Variants in RAB38 observed in about 807,000 individuals in gnomAD.
RAB38 encodes ras-related protein Rab-38.
In RAB38, 15 loss-of-function variants were observed where a neutral mutation model predicts 18.4. That is an observed-to-expected ratio of 0.82 (90% confidence interval 0.55 to 1.26). The LOEUF (loss-of-function observed/expected upper bound fraction) is 1.26. RAB38 is among the 50% of genes most tolerant of loss of function. The pLI, the probability that RAB38 is intolerant of heterozygous loss-of-function variation, is 0.00. For synonymous variants in RAB38, 101 were observed against 104.4 expected (o/e 0.97, Z 0.20); for missense variants, 294 against 267.4 (o/e 1.10, Z -0.69).
the RAB38 span, among the ~76,000 whole-genome samples, chr11:87,835,502 A>G: frequency 6.6e-6 from 1 of 152,074 alleles, no homozygotes; most frequent in Non-Finnish European, 1.5e-5. Flanking sequence ...GCTTCCCCCC[A>G]CTGAAGTTCT....
At chr11:88,032,532 A>G in the RAB38 span, among the ~76,000 whole-genome samples, 2 of 152,214 alleles carry the variant, frequency 1.3e-5, no homozygotes, top group African/African-American at 2.4e-5. Flanking sequence ...ATTTACAAGA[A>G]AAAAACAAAC....
the RAB38 span, among the ~76,000 whole-genome samples, chr11:88,083,315 T>A: frequency 1.0e-3 from 159 of 152,012 alleles, 1 homozygote; most frequent in African/African-American, 3.7e-3. Flanking sequence ...CATTATATAT[T>A]TTTGAATTTC....
At chr11:88,036,388 T>C in the RAB38 span, among the ~76,000 whole-genome samples, 1 of 152,222 alleles carries the variant, frequency 6.6e-6, no homozygotes, top group African/African-American at 2.4e-5. Context: ...CATGGCTTAA[T>C]TGCATGTATT....
At chr11:88,024,871 T>C in the RAB38 span, among the ~76,000 whole-genome samples, 1 of 151,508 alleles carries the variant, frequency 6.6e-6, no homozygotes, top group African/African-American at 2.4e-5. Flanking sequence ...GGAAAGGTAG[T>C]GTGGGGTGGG....
chr11:88,026,965 G>A, the RAB38 span, among the ~76,000 whole-genome samples: 1 of 152,070 alleles, frequency 6.6e-6, no homozygotes, highest in Admixed American at 6.5e-5. Flanking sequence ...TCAGTTCAAT[G>A]TTTATATATA....
chr11:88,013,468 C>G, the RAB38 span, among the ~76,000 whole-genome samples: 1 of 151,934 alleles, frequency 6.6e-6, no homozygotes, highest in Non-Finnish European at 1.5e-5. Context: ...TTTAGAATGA[C>G]TGGAACAAAA....
chr11:87,828,947 A>G, the RAB38 span, among the ~76,000 whole-genome samples: 2 of 152,214 alleles, frequency 1.3e-5, no homozygotes, highest in Non-Finnish European at 2.9e-5. Flanking sequence ...GGCAAACTCT[A>G]TAACAATCTT....
the RAB38 span, among the ~76,000 whole-genome samples, chr11:88,094,966 C>T: frequency 6.6e-6 from 1 of 151,738 alleles, no homozygotes; most frequent in Admixed American, 6.6e-5. Flanking sequence ...CACTGCCTTC[C>T]CACCAGTTAC....
chr11:87,806,048 A>T, the RAB38 span, among the ~76,000 whole-genome samples: 6 of 152,322 alleles, frequency 3.9e-5, no homozygotes, highest in African/African-American at 1.2e-4. Context: ...AAAACTGGCT[A>T]CTGTAGCCTA....
chr11:88,020,390 A>G, the RAB38 span, among the ~76,000 whole-genome samples: 2 of 152,232 alleles, frequency 1.3e-5, no homozygotes, highest in African/African-American at 4.8e-5. Flanking sequence ...GAGTCAATTC[A>G]GCAAGATGAT....
At chr11:87,940,247 A>C in the RAB38 span, among the ~76,000 whole-genome samples, 1 of 151,976 alleles carries the variant, frequency 6.6e-6, no homozygotes, top group African/African-American at 2.4e-5. Flanking sequence ...TCTGTTCACA[A>C]ATTAGCCAGC....
At chr11:87,824,809 G>A in the RAB38 span, among the ~76,000 whole-genome samples, 2 of 152,114 alleles carry the variant, frequency 1.3e-5, no homozygotes, top group Admixed American at 6.6e-5. Context: ...GACACTAGAG[G>A]TGAGGACTGT....
chr11:87,868,082 T>C, the RAB38 span, among the ~76,000 whole-genome samples: 1 of 151,730 alleles, frequency 6.6e-6, no homozygotes, highest in Non-Finnish European at 1.5e-5. Flanking sequence ...TTATGTTCTA[T>C]AGCTTGGATA....
chr11:87,968,098 T>C, the RAB38 span, among the ~76,000 whole-genome samples: 1 of 152,190 alleles, frequency 6.6e-6, no homozygotes. Context: ...TTTCAAATGG[T>C]TTATAACTTT....
intron 1 of RAB38, among the ~76,000 whole-genome samples, chr11:88,164,519 C>T (rs370554240): frequency 2.0e-5 from 3 of 152,080 alleles, no homozygotes; most frequent in South Asian, 4.2e-4. Flanking sequence ...GTGGCATCCA[C>T]TCCGGCTCAA....
At chr11:87,930,645 C>T in the RAB38 span, among the ~76,000 whole-genome samples, 1 of 152,110 alleles carries the variant, frequency 6.6e-6, no homozygotes, top group Admixed American at 6.5e-5. Context: ...TTGACCATGC[C>T]TATGTCCTGA....
chr11:88,022,652 C>G, the RAB38 span, among the ~76,000 whole-genome samples: 2 of 122,996 alleles, frequency 1.6e-5, no homozygotes, highest in African/African-American at 6.1e-5. Flanking sequence ...GAACTGATAA[C>G]CAAATTCAGT....
the RAB38 span, among the ~76,000 whole-genome samples, chr11:87,838,121 T>TTA: frequency 0.015 from 2,078 of 142,178 alleles, 49 homozygotes; most frequent in African/African-American, 0.054. Context: ...TTATTTTTAT[T>TTA]TTTTTTTTTT....
At chr11:87,924,189 G>A in the RAB38 span, among the ~76,000 whole-genome samples, 4 of 151,920 alleles carry the variant, frequency 2.6e-5, no homozygotes, top group African/African-American at 7.2e-5. Context: ...AGGTTAACTT[G>A]CTTCCCCAAT....
Sources: allele counts gnomAD v4.1 joint callset (sites outside exome capture counted in the v4.1 genomes callset), GRCh38; gene constraint gnomAD v4.1.1; transcripts MANE v1.5; gene names NCBI Gene and HGNC (gene_info 2026-07-23, HGNC 2026-07-21).